Variants in ADGRV1 observed in about 807,000 individuals in gnomAD.
ADGRV1 encodes the protein G-protein coupled receptor 98.
Under a neutral mutation model 596.2 loss-of-function variants are expected in ADGRV1, and 359 were observed. The ratio of observed to expected loss-of-function variants is 0.60; its 90% CI spans 0.55 to 0.66. ADGRV1 has a LOEUF of 0.66. Ranked by LOEUF, ADGRV1 falls within the 30% of genes least tolerant of loss-of-function variation. ADGRV1 has a pLI of 0.00. For synonymous variants in ADGRV1, 2,681 were observed against 2,679.2 expected (o/e 1.00, Z -0.02); for missense variants, 7,274 against 7,575.6 (o/e 0.96, Z 1.48).
chr5:90,748,363 G>A (rs1197416167), intron 52 of ADGRV1, among the ~76,000 whole-genome samples: 1 of 152,146 alleles, frequency 6.6e-6, no homozygotes, highest in Non-Finnish European at 1.5e-5. Context: ...AAAGAAGCAG[G>A]TCACTTGATT....
chr5:90,868,441 AAG>A (rs2150483381), intron 83 of ADGRV1, among the ~76,000 whole-genome samples: 1 of 152,146 alleles, frequency 6.6e-6, no homozygotes, highest in Non-Finnish European at 1.5e-5. Flanking sequence ...CAAGTGGACT[AAG>A]AGATAATTTA....
At chr5:91,061,696 G>A (rs1465117329) in intron 85 of ADGRV1, among the ~76,000 whole-genome samples, 2 of 152,106 alleles carry the variant, frequency 1.3e-5, no homozygotes, top group Admixed American at 1.3e-4. Context: ...TACATTTTAA[G>A]CACTTAAAAA....
intron 85 of ADGRV1, among the ~76,000 whole-genome samples, chr5:91,035,861 T>TATAATATATATATATATATA: frequency 0.04 from 3,852 of 95,912 alleles, 309 homozygotes; most frequent in Non-Finnish European, 0.053. Context: ...TATATATATA[T>TATAATATATATATATATATA]TATATATATA....
intron 83 of ADGRV1, among the ~76,000 whole-genome samples, chr5:90,935,060 A>G (rs1317420215): frequency 6.6e-6 from 1 of 152,196 alleles, no homozygotes; most frequent in East Asian, 1.9e-4. Context: ...GAATGACACA[A>G]ATGTTCAATC....
chr5:91,163,196 G>C lies in ADGRV1; in HGVS notation c.18803-586G>C, dbSNP rs767468861. Reference sequence around the variant, plus strand: ...TCAGTAGTTAACAGTAACTACTGTGGTGGAATTCCTGTGTGGATCTATTTT... The same window carrying C: ...TCAGTAGTTAACAGTAACTACTGTGCTGGAATTCCTGTGTGGATCTATTTT... On this transcript the variant is annotated intron_variant, in intron 89 of 89. Coordinates refer to ENST00000405460, the MANE Select transcript of ADGRV1 (RefSeq NM_032119.4). Among the ~76,000 whole-genome samples the C allele has an allele frequency of 2.4e-4, 36 of 152,276 alleles. No individual in the cohort carries two copies. In the South Asian group the frequency reaches 3.5e-3, roughly 15 times the overall value.
At chr5:90,685,221 T>A (rs1745446634) in intron 28 of ADGRV1, among the ~76,000 whole-genome samples, 2 of 152,216 alleles carry the variant, frequency 1.3e-5, no homozygotes, top group African/African-American at 4.8e-5. Flanking sequence ...TAGTTTATTT[T>A]TGAATCCCGA....
intron 87 of ADGRV1, among the ~76,000 whole-genome samples, chr5:91,139,169 TA>T (rs1420047746): frequency 7.9e-5 from 12 of 152,344 alleles, no homozygotes; most frequent in African/African-American, 2.9e-4. Context: ...TGTAAGAGTC[TA>T]CGTGGACTAT....
chr5:91,098,562 ATTG>A (rs1044446948), intron 86 of ADGRV1, among the ~76,000 whole-genome samples: 1 of 152,164 alleles, frequency 6.6e-6, no homozygotes, highest in Non-Finnish European at 1.5e-5. Flanking sequence ...CATCCTAATC[ATTG>A]TTGTACTTCT....
chr5:90,999,370 TTA>T (rs1429226226), intron 85 of ADGRV1, among the ~76,000 whole-genome samples: 52 of 152,162 alleles, frequency 3.4e-4, no homozygotes, highest in African/African-American at 6.3e-4. Flanking sequence ...ATGTTTAACT[TTA>T]ACTCAGGGTT....
At chr5:90,687,684 A>G (rs983842503) in intron 29 of ADGRV1, among the ~76,000 whole-genome samples, 1 of 152,164 alleles carries the variant, frequency 6.6e-6, no homozygotes, top group Non-Finnish European at 1.5e-5. Flanking sequence ...TTAAGCTGAT[A>G]AGCAACTTCA....
intron 83 of ADGRV1, among the ~76,000 whole-genome samples, chr5:90,921,524 T>C (rs1462054253): frequency 6.6e-6 from 1 of 152,194 alleles, no homozygotes; most frequent in African/African-American, 2.4e-5. Flanking sequence ...AACTTCATCC[T>C]TCAAAATGTG....
chr5:90,783,406 A>G, intron 66 of ADGRV1, 81 bp downstream of exon 66: 4 of 953,778 alleles, frequency 4.2e-6, no homozygotes, highest in Admixed American at 2.0e-5. Flanking sequence ...TGCACTGACA[A>G]TAGAACTTTA....
At chr5:91,096,981 G>T (rs1233301301) in intron 86 of ADGRV1, among the ~76,000 whole-genome samples, 1 of 152,154 alleles carries the variant, frequency 6.6e-6, no homozygotes, top group East Asian at 1.9e-4. Flanking sequence ...GTCCTTTCAT[G>T]TCTGGCTTGT....
At chr5:90,691,388 T>TC in intron 31 of ADGRV1, among the ~76,000 whole-genome samples, 1 of 148,628 alleles carries the variant, frequency 6.7e-6, no homozygotes, top group East Asian at 2.0e-4. Context: ...TTTTTTCTTT[T>TC]TTTTTTTTTT....
intron 1 of ADGRV1, among the ~76,000 whole-genome samples, chr5:90,575,066 T>C (rs1757022386): frequency 6.6e-6 from 1 of 152,078 alleles, no homozygotes; most frequent in South Asian, 2.1e-4. Flanking sequence ...ATCTTTTGAA[T>C]GAATTTTGCA....
intron 84 of ADGRV1, among the ~76,000 whole-genome samples, chr5:90,979,280 G>T (rs1331599968): frequency 6.6e-6 from 1 of 151,366 alleles, no homozygotes; most frequent in Admixed American, 6.6e-5. Flanking sequence ...GCAATCCTCC[G>T]CCTTATCCTC....
intron 86 of ADGRV1, among the ~76,000 whole-genome samples, chr5:91,075,007 A>G (rs2126452337): frequency 6.6e-6 from 1 of 151,784 alleles, no homozygotes; most frequent in Non-Finnish European, 1.5e-5. Context: ...CTGTTCATGT[A>G]TTTTGCCCAC....
intron 16 of ADGRV1, 91 bp from the exon 17 acceptor site, chr5:90,647,407 C>T (rs943716446): frequency 7.4e-7 from 1 of 1,351,114 alleles, no homozygotes; most frequent in African/African-American, 1.5e-5. Context: ...CAAGGCTTCT[C>T]TCTTGGAGGG....
intron 86 of ADGRV1, among the ~76,000 whole-genome samples, chr5:91,100,248 C>T (rs1010714534): frequency 3.9e-5 from 6 of 152,040 alleles, no homozygotes; most frequent in Non-Finnish European, 7.4e-5. Context: ...ATGGCGAAAC[C>T]CCATCTATAC....
Sources: allele counts gnomAD v4.1 joint callset (sites outside exome capture counted in the v4.1 genomes callset), GRCh38; gene constraint gnomAD v4.1.1; transcripts MANE v1.5; gene names NCBI Gene and HGNC (gene_info 2026-07-23, HGNC 2026-07-21).